Variants in KDM4B observed in about 807,000 individuals in gnomAD.
KDM4B encodes lysine-specific demethylase 4B.
In KDM4B, 32 loss-of-function variants were observed where a neutral mutation model predicts 125.2. The ratio of observed to expected loss-of-function variants is 0.26; its 90% CI spans 0.19 to 0.34. The LOEUF (loss-of-function observed/expected upper bound fraction) is 0.34, where lower values mean the gene tolerates loss of function less well. Ranked by LOEUF, KDM4B falls within the 10% of genes least tolerant of loss-of-function variation. The pLI is 1.00. For synonymous variants in KDM4B, 721 were observed against 677.9 expected, an observed-to-expected ratio of 1.06 and a Z score of -0.99; for missense variants, 1,190 against 1,577.7, an observed-to-expected ratio of 0.75 and a Z score of 4.16.
Position 5,118,976 on chromosome 19 carries a change from G to T in KDM4B, c.1116-677G>T, listed in dbSNP as rs553473165. The T allele has an allele frequency of 7.0e-5, 43 of 616,232 alleles. No individual in the cohort carries two copies. The South Asian group carries it at 8.3e-4, about 12-fold the overall frequency. 38.2% of individuals were successfully genotyped at this position (616,232 alleles called of 1,614,324 possible). On this transcript the variant is annotated intron_variant, in intron 10 of 22. Transcript: ENST00000159111. ...TGGGCACAGGTCAGAGCAGCGGAGT[G>T]TGAGCTGGGGCTCCCATGCACCTCA...
At chr19:5,019,462 A>G (rs62649768) in intron 2 of KDM4B, among the ~76,000 whole-genome samples, 42,170 of 117,948 alleles carry the variant, frequency 0.36, 6,943 homozygotes, top group East Asian at 0.69. Flanking sequence ...GTTGGTGTGC[A>G]GGTGTGGGTG....
intron 6 of KDM4B, among the ~76,000 whole-genome samples, chr19:5,053,927 C>T (rs922597636): frequency 6.6e-6 from 1 of 152,252 alleles, no homozygotes. Context: ...TGCCCAGCTT[C>T]CCTGTTTGAG....
At chr19:5,095,029 G>A (rs893307954) in intron 9 of KDM4B, among the ~76,000 whole-genome samples, 3 of 152,138 alleles carry the variant, frequency 2.0e-5, no homozygotes, top group Non-Finnish European at 4.4e-5. Flanking sequence ...GGGACGTGTT[G>A]AGCCATAGAT....
intron 21 of KDM4B, among the ~76,000 whole-genome samples, chr19:5,148,142 A>G (rs2039884031): frequency 6.6e-6 from 1 of 152,232 alleles, no homozygotes; most frequent in South Asian, 2.1e-4. Context: ...ACGTCACCAC[A>G]GGGAGCCCGG....
At chr19:4,984,580 A>G (rs1030506295) in intron 1 of KDM4B, among the ~76,000 whole-genome samples, 1 of 152,052 alleles carries the variant, frequency 6.6e-6, no homozygotes, top group African/African-American at 2.4e-5. Flanking sequence ...CCTGTTCCGT[A>G]CGCCTCGTCA....
intron 14 of KDM4B, 95 bp from the exon 15 acceptor site, chr19:5,135,244 G>A (rs1037974246): frequency 1.2e-5 from 10 of 804,224 alleles, no homozygotes; most frequent in African/African-American, 6.9e-5. Context: ...AGGGGGTGTC[G>A]AAGCCTGGGG....
At chr19:5,058,587 G>A (rs988799666) in intron 6 of KDM4B, among the ~76,000 whole-genome samples, 1 of 151,956 alleles carries the variant, frequency 6.6e-6, no homozygotes, top group Non-Finnish European at 1.5e-5. Flanking sequence ...GGTGGGAGCC[G>A]GGGCTGGCTC....
intron 2 of KDM4B, among the ~76,000 whole-genome samples, chr19:5,020,610 C>T (rs529809746): frequency 2.6e-5 from 4 of 152,314 alleles, no homozygotes; most frequent in East Asian, 3.9e-4. Context: ...AGCCAGGCCG[C>T]GGGCGCTGGG....
In KDM4B at chr19:5,151,626, C is replaced by A; in HGVS notation, c.*115C>A. The A allele has an allele frequency of 3.0e-6, 3 of 985,374 alleles. No individual in the cohort carries two copies. Among genetic ancestry groups the A allele is most frequent in the Non-Finnish European group, 4.0e-6 (3 of 756,508 alleles). 61.0% of individuals were successfully genotyped at this position (985,374 alleles called of 1,614,324 possible). ...TCCCCGACCCCCGAGAGGCCACCTC[C>A]AAGCCGCGGGTGCCCCCTAGGGCGA... On this transcript the variant is annotated 3_prime_UTR_variant, in exon 23 of 23. Transcript: ENST00000159111.
rs138945378 is a variant in KDM4B, at chr19:5,066,233, C to T, written c.627-4777C>T. Among the ~76,000 whole-genome samples, 22 of 152,312 alleles carry T rather than the reference C, an allele frequency of 1.4e-4. No individual in the cohort carries two copies. The East Asian group carries it at 2.7e-3, about 19-fold the overall frequency. On this transcript the variant is annotated intron_variant, in intron 6 of 22. Coordinates refer to ENST00000159111, the MANE Select transcript of KDM4B (RefSeq NM_015015.3). ...TTTCTTGGGTGGCAGTAAAGTGTAA[C>T]GTTGGTGACATTCACTACTCAAAAC...
At chr19:5,113,923 C>T in intron 10 of KDM4B, 1 of 1,210,640 alleles carries the variant, frequency 8.3e-7, no homozygotes, top group East Asian at 5.7e-5. Context: ...GCACAGCTGC[C>T]TGAGCTCAGA....
Position 5,062,901 on chromosome 19 carries a change from A to C in KDM4B, c.627-8109A>C, listed in dbSNP as rs181840793. ...ACTCCAGTGATCCTCCTGCCTCAGCATTCTGAGGAGCTGGGAACACAGGCA... is the reference window on the plus strand; with the variant it reads ...ACTCCAGTGATCCTCCTGCCTCAGCCTTCTGAGGAGCTGGGAACACAGGCA... On this transcript the variant is annotated intron_variant, in intron 6 of 22. Coordinates refer to ENST00000159111, the MANE Select transcript of KDM4B (RefSeq NM_015015.3). Among the ~76,000 whole-genome samples the C allele has an allele frequency of 5.8e-3, 871 of 149,934 alleles. 9 individuals are homozygous for C. Among genetic ancestry groups the C allele is most frequent in the African/African-American group, 0.02 (826 of 40,658 alleles).
chr19:5,093,315 G>T (rs1396745526), intron 9 of KDM4B, among the ~76,000 whole-genome samples: 2 of 152,204 alleles, frequency 1.3e-5, no homozygotes, highest in East Asian at 1.9e-4. Context: ...GCACCTGGTG[G>T]ATGTGTGGGC....
At chr19:5,095,719 A>G (rs2038807515) in intron 9 of KDM4B, among the ~76,000 whole-genome samples, 3 of 151,904 alleles carry the variant, frequency 2.0e-5, no homozygotes, top group African/African-American at 4.8e-5. Flanking sequence ...TCAGATCACA[A>G]GGGGCTGGCC....
chr19:5,106,211 G>A (rs2039030484), intron 9 of KDM4B, among the ~76,000 whole-genome samples: 1 of 152,286 alleles, frequency 6.6e-6, no homozygotes, highest in Non-Finnish European at 1.5e-5. Context: ...CGTTTATTTA[G>A]TCTGTCCACG....
chr19:5,104,744 C>G (rs1039396886), intron 9 of KDM4B, among the ~76,000 whole-genome samples: 22 of 152,222 alleles, frequency 1.4e-4, no homozygotes, highest in East Asian at 5.8e-4. Context: ...CTCACACCCC[C>G]CAAAAATTAG....
intron 11 of KDM4B, among the ~76,000 whole-genome samples, chr19:5,128,910 A>T (rs1339606965): frequency 6.8e-6 from 1 of 146,040 alleles, no homozygotes; most frequent in Non-Finnish European, 1.5e-5. Flanking sequence ...AGCGGAGGGG[A>T]AGACTGCGCT....
At chr19:5,109,785 A>G (rs1048032281) in intron 9 of KDM4B, among the ~76,000 whole-genome samples, 5 of 152,192 alleles carry the variant, frequency 3.3e-5, no homozygotes, top group African/African-American at 9.6e-5. Context: ...CGCCCTCGTG[A>G]GGCCTCCTGA....
intron 6 of KDM4B, among the ~76,000 whole-genome samples, chr19:5,060,215 G>T (rs1190612773): frequency 6.6e-6 from 1 of 152,022 alleles, no homozygotes; most frequent in Non-Finnish European, 1.5e-5. Flanking sequence ...CAAGGTGGGC[G>T]GATCACCTGA....
Sources: allele counts gnomAD v4.1 joint callset (sites outside exome capture counted in the v4.1 genomes callset), GRCh38; gene constraint gnomAD v4.1.1; transcripts MANE v1.5; gene names NCBI Gene and HGNC (gene_info 2026-07-23, HGNC 2026-07-21).